The following BMPER variants were observed in gnomAD, a reference collection of about 807,000 sequenced individuals.
BMPER encodes BMP binding endothelial regulator.
In BMPER, 45 loss-of-function variants were observed where a neutral mutation model predicts 87.3. The ratio of observed to expected loss-of-function variants is 0.52; its 90% confidence interval spans 0.41 to 0.66. BMPER has a LOEUF of 0.66. Among genes scored for constraint, BMPER ranks in the 30% least tolerant of loss-of-function variants. The probability of loss-of-function intolerance (pLI) is 0.00; values close to 1 mark genes in which losing one functional copy is unlikely to be tolerated. For missense variants in BMPER, 784 were observed against 867.5 expected (o/e 0.90, Z 1.21); for synonymous variants, 326 against 316.2 (o/e 1.03, Z -0.33).
intron 6 of BMPER, among the ~76,000 whole-genome samples, chr7:33,984,772 C>T (rs981695244): frequency 5.3e-5 from 8 of 152,164 alleles, no homozygotes; most frequent in Non-Finnish European, 1.0e-4. Flanking sequence ...AATCTCACTT[C>T]GTTGTATCCT....
At chr7:33,945,440 CG>C (rs1784870363) in intron 3 of BMPER, among the ~76,000 whole-genome samples, 1 of 151,262 alleles carries the variant, frequency 6.6e-6, no homozygotes, top group South Asian at 2.1e-4. Context: ...TTAGTAGAGA[CG>C]GGGTTTCGCC....
At chr7:34,129,023 G>T (rs552337265) in intron 13 of BMPER, among the ~76,000 whole-genome samples, 1 of 152,166 alleles carries the variant, frequency 6.6e-6, no homozygotes, top group Admixed American at 6.5e-5. Context: ...ACCACAGTGG[G>T]TTGCCATGAT....
At chr7:33,971,604 G>A (rs1315307049) in intron 5 of BMPER, among the ~76,000 whole-genome samples, 5 of 152,098 alleles carry the variant, frequency 3.3e-5, no homozygotes, top group African/African-American at 4.8e-5. Flanking sequence ...TTGCCTAACC[G>A]TATCCTTAGA....
chr7:34,094,500 C>T (rs1255066326), intron 13 of BMPER, among the ~76,000 whole-genome samples: 1 of 152,214 alleles, frequency 6.6e-6, no homozygotes, highest in East Asian at 1.9e-4. Context: ...CAGCAGGTCC[C>T]ACACTGGACA....
intron 6 of BMPER, among the ~76,000 whole-genome samples, chr7:33,999,828 G>C (rs1786529658): frequency 6.6e-6 from 1 of 152,150 alleles, no homozygotes; most frequent in East Asian, 1.9e-4. Context: ...TATCCTCCAG[G>C]CTTTTCTTTC....
intron 6 of BMPER, among the ~76,000 whole-genome samples, chr7:34,038,598 T>C (rs768277499): frequency 1.4e-4 from 21 of 152,206 alleles, no homozygotes; most frequent in African/African-American, 1.9e-4. Flanking sequence ...CTTAGAAACA[T>C]TAATTGGCAT....
chr7:34,018,969 T>C (rs1585742413), intron 6 of BMPER, among the ~76,000 whole-genome samples: 2 of 152,028 alleles, frequency 1.3e-5, no homozygotes, highest in African/African-American at 2.4e-5. Context: ...CAGTACCTGA[T>C]ATCCTTGTAA....
At chr7:34,000,282 T>A (rs967792136) in intron 6 of BMPER, among the ~76,000 whole-genome samples, 3 of 152,092 alleles carry the variant, frequency 2.0e-5, no homozygotes, top group African/African-American at 7.2e-5. Flanking sequence ...ATTCATTCAA[T>A]GTTATAAAAG....
At chr7:34,061,299 C>T (rs1179777178) in intron 10 of BMPER, among the ~76,000 whole-genome samples, 1 of 152,114 alleles carries the variant, frequency 6.6e-6, no homozygotes, top group South Asian at 2.1e-4. Flanking sequence ...CCTGAGAATA[C>T]GTCACCTCCT....
chr7:33,918,760 T>A (rs1181267355), intron 2 of BMPER, among the ~76,000 whole-genome samples: 1 of 152,208 alleles, frequency 6.6e-6, no homozygotes, highest in Non-Finnish European at 1.5e-5. Flanking sequence ...TTCAAGCACA[T>A]GTGAAACAAT....
chr7:34,096,987 A>G (rs1789546928), intron 13 of BMPER, among the ~76,000 whole-genome samples: 3 of 152,238 alleles, frequency 2.0e-5, no homozygotes, highest in Admixed American at 2.0e-4. Context: ...GGAGTCCTCT[A>G]GCTCACAGAG....
chr7:33,996,756 G>C (rs1443551707), intron 6 of BMPER, among the ~76,000 whole-genome samples: 1 of 152,032 alleles, frequency 6.6e-6, no homozygotes, highest in African/African-American at 2.4e-5. Flanking sequence ...AGTTTAAAAA[G>C]GTGAATAATT....
At chr7:33,952,938 C>T (rs1489477545) in intron 3 of BMPER, among the ~76,000 whole-genome samples, 5 of 152,116 alleles carry the variant, frequency 3.3e-5, no homozygotes, top group Admixed American at 6.5e-5. Context: ...AACTTGAGTG[C>T]CTCCTTCTCT....
chr7:34,061,698 C>T (rs1458999565), intron 10 of BMPER, among the ~76,000 whole-genome samples: 2 of 152,152 alleles, frequency 1.3e-5, no homozygotes, highest in African/African-American at 4.8e-5. Context: ...AAGGTTGAGT[C>T]CAGACTGTCT....
intron 6 of BMPER, among the ~76,000 whole-genome samples, chr7:33,983,330 G>A (rs1160166786): frequency 2.0e-5 from 3 of 151,974 alleles, no homozygotes; most frequent in Non-Finnish European, 4.4e-5. Context: ...TTTCTACACA[G>A]GGAGACATTG....
chr7:34,000,667 T>C (rs1056792366), intron 6 of BMPER, among the ~76,000 whole-genome samples: 3 of 152,092 alleles, frequency 2.0e-5, no homozygotes, highest in African/African-American at 7.2e-5. Context: ...GACATTTGGG[T>C]GTGCATGATA....
At chr7:34,046,461 T>G (rs1055112560) in intron 7 of BMPER, 56 bp downstream of exon 7, 8 of 1,547,828 alleles carry the variant, frequency 5.2e-6, no homozygotes, top group African/African-American at 2.7e-5. Flanking sequence ...AAGTTTCTGC[T>G]GGGAGTGTTT....
At position 34,033,996 on chromosome 7, in the gene BMPER, T is replaced by C. The variant is rs998745387; in HGVS notation, c.577-12310T>C. On this transcript the variant is annotated intron_variant, in intron 6 of 14. Transcript: ENST00000649409. ...CTATTTAACTGGTTTAGACTTGTGTTTCTCCATCCTTCTTGAGAAAGACCT... is the reference window on the plus strand; with the variant it reads ...CTATTTAACTGGTTTAGACTTGTGTCTCTCCATCCTTCTTGAGAAAGACCT... 3.4e-4 allele frequency among the ~76,000 whole-genome samples: 52 copies of C among 152,204 alleles called. 1 individual carries two copies. Among genetic ancestry groups the C allele is most frequent in the Non-Finnish European group, 1.0e-4 (7 of 68,040 alleles).
At chr7:34,055,092 G>A in intron 8 of BMPER, 71 bp from the exon 9 acceptor site, 1 of 1,602,628 alleles carries the variant, frequency 6.2e-7, no homozygotes, top group Non-Finnish European at 8.5e-7. Context: ...AGTTATGAAA[G>A]GAAGGCCAGG....
Sources: allele counts gnomAD v4.1 joint callset (sites outside exome capture counted in the v4.1 genomes callset), GRCh38; gene constraint gnomAD v4.1.1; transcripts MANE v1.5; gene names NCBI Gene and HGNC (gene_info 2026-07-23, HGNC 2026-07-21).